The following SLC60A1 variants were observed in gnomAD, a reference collection of about 807,000 sequenced individuals.
SLC60A1 encodes solute carrier family 60 member 1.
At chr1:205,594,546 C>T in the SLC60A1 span, among the ~76,000 whole-genome samples, 1 of 151,426 alleles carries the variant, frequency 6.6e-6, no homozygotes, top group Non-Finnish European at 1.5e-5. Context: ...ATCCCAGCTA[C>T]TTGGGAGGCT....
chr1:205,569,086 G>A, the SLC60A1 span: 15 of 1,493,820 alleles, frequency 1.0e-5, no homozygotes, highest in African/African-American at 1.9e-4. Context: ...TGCGACGGCC[G>A]CGTGTCGGGG....
chr1:205,580,088 A>G, the SLC60A1 span: 18 of 934,158 alleles, frequency 1.9e-5, no homozygotes, highest in Non-Finnish European at 2.8e-5. This position sits in a 1 kb window ranked among gnomAD's most constrained non-coding sequence, Gnocchi z 5.0. Context: ...CGGTTTTCCC[A>G]TCTCTAAAGC....
At chr1:205,569,958 C>T in the SLC60A1 span, among the ~76,000 whole-genome samples, 1 of 151,994 alleles carries the variant, frequency 6.6e-6, no homozygotes, top group Non-Finnish European at 1.5e-5. Flanking sequence ...CACACAGGAC[C>T]TCACCGTTAA....
chr1:205,585,922 C>A, the SLC60A1 span: 1 of 1,192,418 alleles, frequency 8.4e-7, no homozygotes, highest in Non-Finnish European at 1.1e-6. The surrounding 1 kb of genome is among the most constrained non-coding windows in gnomAD (Gnocchi z 4.2). Context: ...GGAGTGGGAA[C>A]AGGCAGTCCT....
the SLC60A1 span, among the ~76,000 whole-genome samples, chr1:205,587,541 T>C: frequency 6.6e-6 from 1 of 152,154 alleles, no homozygotes; most frequent in Non-Finnish European, 1.5e-5. Flanking sequence ...TGCATTTCTC[T>C]TTGTAAATAT....
At chr1:205,596,869 C>G in the SLC60A1 span, among the ~76,000 whole-genome samples, 5 of 152,102 alleles carry the variant, frequency 3.3e-5, no homozygotes, top group African/African-American at 1.2e-4. Context: ...GTTACCCACA[C>G]GGTAAGTCTG....
At chr1:205,597,134 C>G in the SLC60A1 span, among the ~76,000 whole-genome samples, 58 of 152,308 alleles carry the variant, frequency 3.8e-4, no homozygotes, top group Middle Eastern at 3.4e-3. Context: ...ATCAGGAAAT[C>G]TTTCTGGAAA....
chr1:205,597,577 G>A, the SLC60A1 span: 2 of 475,398 alleles, frequency 4.2e-6, no homozygotes, highest in African/African-American at 4.0e-5. Context: ...TTTACTTTTT[G>A]TAGAGACCAA....
the SLC60A1 span, chr1:205,592,333 C>T: frequency 1.3e-5 from 20 of 1,548,006 alleles, no homozygotes; most frequent in East Asian, 2.3e-5. Flanking sequence ...TCTAGCTGGG[C>T]GCCGCCGCCT....
the SLC60A1 span, among the ~76,000 whole-genome samples, chr1:205,574,245 A>C: frequency 2.0e-5 from 3 of 151,926 alleles, no homozygotes; most frequent in Non-Finnish European, 4.4e-5. Context: ...GCAGGAGTTC[A>C]AGACCAGCCT....
At chr1:205,579,669 C>T in the SLC60A1 span, 1 of 1,512,368 alleles carries the variant, frequency 6.6e-7, no homozygotes, top group South Asian at 1.1e-5. Flanking sequence ...GTCTTGGCTG[C>T]CCAGACCACC....
chr1:205,592,299 GC>G, the SLC60A1 span: 5 of 1,602,286 alleles, frequency 3.1e-6, no homozygotes, highest in East Asian at 2.2e-5. Context: ...TGAGGGCCGG[GC>G]CCGAGCCAGG....
chr1:205,590,771 T>A, the SLC60A1 span, among the ~76,000 whole-genome samples: 2 of 152,116 alleles, frequency 1.3e-5, no homozygotes, highest in African/African-American at 4.8e-5. Flanking sequence ...ATCCAGGAGA[T>A]TTTTACCTCA....
At chr1:205,571,822 T>C in the SLC60A1 span, among the ~76,000 whole-genome samples, 1 of 152,252 alleles carries the variant, frequency 6.6e-6, no homozygotes, top group South Asian at 2.1e-4. Flanking sequence ...CTTAAGTGAT[T>C]ACCAGCTAAC....
the SLC60A1 span, chr1:205,597,858 G>A: frequency 6.2e-7 from 1 of 1,613,644 alleles, no homozygotes; most frequent in African/African-American, 1.3e-5. Flanking sequence ...TCGGTATGTG[G>A]GGACCTGTAA....
At chr1:205,587,095 C>G in the SLC60A1 span, among the ~76,000 whole-genome samples, 1 of 152,156 alleles carries the variant, frequency 6.6e-6, no homozygotes, top group Non-Finnish European at 1.5e-5. Context: ...TGGGTTAAGA[C>G]CCTTGCCTTG....
At chr1:205,593,689 A>T in the SLC60A1 span, among the ~76,000 whole-genome samples, 26 of 152,090 alleles carry the variant, frequency 1.7e-4, no homozygotes, top group South Asian at 4.4e-3. Flanking sequence ...TCAAAATGGA[A>T]TTTTTTTTAT....
the SLC60A1 span, among the ~76,000 whole-genome samples, chr1:205,569,686 GGGTTTGTCAGTAGCCCCGGCTGCC>G: frequency 1.3e-5 from 2 of 152,042 alleles, no homozygotes; most frequent in African/African-American, 4.8e-5. Flanking sequence ...AGCTCCTCTG[GGGTTTGTCAGTAGCCCCGGCTGCC>G]GGGGGCGGGA....
chr1:205,596,888 G>T, the SLC60A1 span, among the ~76,000 whole-genome samples: 1 of 152,176 alleles, frequency 6.6e-6, no homozygotes, highest in African/African-American at 2.4e-5. Context: ...TGTGAAGGAG[G>T]TGTGATGCTC....
Sources: allele counts gnomAD v4.1 joint callset (sites outside exome capture counted in the v4.1 genomes callset), GRCh38; gene constraint gnomAD v4.1.1; non-coding constraint Gnocchi (gnomAD v3.1); transcripts MANE v1.5; gene names NCBI Gene and HGNC (gene_info 2026-07-23, HGNC 2026-07-21).